Variants in PTPRT observed in about 807,000 individuals in gnomAD.
PTPRT encodes the protein protein tyrosine phosphatase receptor type T.
PTPRT carries 56 observed loss-of-function variants against 176.8 expected under a neutral mutation model. The observed-to-expected ratio is 0.32, with a 90% CI of 0.26 to 0.40. The LOEUF is 0.40. Ranked by LOEUF, PTPRT falls within the 10% of genes least tolerant of loss-of-function variation. The pLI, the probability that PTPRT is intolerant of heterozygous loss-of-function variation, is 1.00. For synonymous variants in PTPRT, 783 were observed against 739.0 expected, an observed-to-expected ratio of 1.06 and a Z score of -0.96; for missense variants, 1,540 against 1,908.2, an observed-to-expected ratio of 0.81 and a Z score of 3.60.
intron 9 of PTPRT, among the ~76,000 whole-genome samples, chr20:42,364,199 G>A (rs1442956262): frequency 1.3e-5 from 2 of 152,168 alleles, no homozygotes; most frequent in South Asian, 2.1e-4. Context: ...AGGTTGAGAG[G>A]CCCTTCTAAG....
intron 1 of PTPRT, among the ~76,000 whole-genome samples, chr20:42,943,295 A>G (rs1331065173): frequency 1.3e-5 from 2 of 152,142 alleles, no homozygotes; most frequent in East Asian, 1.9e-4. Context: ...AAGATCAGAG[A>G]TCATCAGCTC....
intron 9 of PTPRT, among the ~76,000 whole-genome samples, chr20:42,420,277 T>C (rs2059106285): frequency 1.3e-5 from 2 of 152,132 alleles, no homozygotes; most frequent in Admixed American, 1.3e-4. Flanking sequence ...AATACGACTG[T>C]CCAATGCCTA....
At chr20:42,610,543 A>C (rs1332783365) in intron 7 of PTPRT, among the ~76,000 whole-genome samples, 1 of 152,038 alleles carries the variant, frequency 6.6e-6, no homozygotes, top group Non-Finnish European at 1.5e-5. Flanking sequence ...TTTGAACTTG[A>C]AAACCTGAGA....
chr20:42,542,227 G>A (rs751356876), intron 7 of PTPRT, among the ~76,000 whole-genome samples: 1 of 152,082 alleles, frequency 6.6e-6, no homozygotes, highest in Non-Finnish European at 1.5e-5. Flanking sequence ...TTTATTAGCA[G>A]CATAAGAACA....
intron 2 of PTPRT, among the ~76,000 whole-genome samples, chr20:42,874,030 G>A (rs1030538198): frequency 6.6e-6 from 1 of 152,158 alleles, no homozygotes; most frequent in African/African-American, 2.4e-5. Flanking sequence ...ATTTAAAAAT[G>A]AAAGGTTCAC....
chr20:42,874,095 C>T (rs1223143168), intron 2 of PTPRT, among the ~76,000 whole-genome samples: 2 of 152,156 alleles, frequency 1.3e-5, no homozygotes. Flanking sequence ...TCCACGAAGA[C>T]ATCGCCTAGC....
intron 6 of PTPRT, among the ~76,000 whole-genome samples, chr20:42,710,954 G>A (rs1206642682): frequency 6.6e-6 from 1 of 152,260 alleles, no homozygotes; most frequent in Admixed American, 6.5e-5. Flanking sequence ...TTGTTTTAGA[G>A]CTTTAAGATT....
intron 12 of PTPRT, among the ~76,000 whole-genome samples, chr20:42,289,578 C>T (rs1343698785): frequency 2.0e-5 from 3 of 151,946 alleles, no homozygotes; most frequent in Non-Finnish European, 2.9e-5. Context: ...AAACAAGATA[C>T]TGTCTCATAC....
At chr20:43,180,598 G>A (rs1463752346) in intron 1 of PTPRT, among the ~76,000 whole-genome samples, 1 of 151,808 alleles carries the variant, frequency 6.6e-6, no homozygotes, top group Non-Finnish European at 1.5e-5. Flanking sequence ...CAAGTAGCTG[G>A]GACTACAGGC....
chr20:42,616,351 T>C (rs1196108782), intron 7 of PTPRT, among the ~76,000 whole-genome samples: 25 of 121,392 alleles, frequency 2.1e-4, no homozygotes, highest in Middle Eastern at 3.9e-3. Context: ...CCTTGTAGTA[T>C]AGTTTGAAGT....
chr20:42,603,361 G>T (rs1432042826), intron 7 of PTPRT, among the ~76,000 whole-genome samples: 1 of 152,156 alleles, frequency 6.6e-6, no homozygotes, highest in Non-Finnish European at 1.5e-5. Flanking sequence ...GGGGGCTAGG[G>T]GTGGGGTGGA....
chr20:42,662,336 T>C (rs2425508), intron 7 of PTPRT, among the ~76,000 whole-genome samples: 3,715 of 152,240 alleles, frequency 0.024, 176 homozygotes, highest in African/African-American at 0.086. Flanking sequence ...CTAAGCATTG[T>C]ACTTAGAGTT....
At chr20:43,026,135 T>C (rs890511392) in intron 1 of PTPRT, among the ~76,000 whole-genome samples, 1 of 152,192 alleles carries the variant, frequency 6.6e-6, no homozygotes, top group African/African-American at 2.4e-5. Context: ...GTTTTTTCTC[T>C]GAGACGGAGT....
At chr20:42,307,757 G>A (rs1048104319) in intron 12 of PTPRT, among the ~76,000 whole-genome samples, 1 of 152,142 alleles carries the variant, frequency 6.6e-6, no homozygotes, top group African/African-American at 2.4e-5. Context: ...AATAGGGGCT[G>A]GGTAAAATAA....
At chr20:42,402,454 C>T (rs1187518595) in intron 9 of PTPRT, among the ~76,000 whole-genome samples, 2 of 144,816 alleles carry the variant, frequency 1.4e-5, no homozygotes, top group African/African-American at 5.2e-5. Context: ...CAGAAAGATG[C>T]CCTGTTTGCT....
chr20:42,877,211 C>T (rs928720567), intron 2 of PTPRT, among the ~76,000 whole-genome samples: 4 of 152,098 alleles, frequency 2.6e-5, no homozygotes, highest in African/African-American at 9.7e-5. Flanking sequence ...CTTTGTAGCA[C>T]AAACACCATG....
chr20:42,503,668 T>C (rs1218850018), intron 7 of PTPRT, among the ~76,000 whole-genome samples: 3 of 152,124 alleles, frequency 2.0e-5, no homozygotes, highest in African/African-American at 7.2e-5. Context: ...ATTTTATACT[T>C]GTCAACTGGA....
intron 13 of PTPRT, among the ~76,000 whole-genome samples, chr20:42,273,122 T>C (rs1159275186): frequency 6.6e-6 from 1 of 152,200 alleles, no homozygotes; most frequent in Admixed American, 6.5e-5. Flanking sequence ...TACTATTTGC[T>C]GAGTGTTTCT....
At chr20:42,367,689 A>AATC (rs2058533792) in intron 9 of PTPRT, among the ~76,000 whole-genome samples, 1 of 152,096 alleles carries the variant, frequency 6.6e-6, no homozygotes, top group Admixed American at 6.5e-5. Flanking sequence ...CCTCACTGAG[A>AATC]AAGTGAGATT....
Sources: allele counts gnomAD v4.1 joint callset (sites outside exome capture counted in the v4.1 genomes callset), GRCh38; gene constraint gnomAD v4.1.1; transcripts MANE v1.5; gene names NCBI Gene and HGNC (gene_info 2026-07-23, HGNC 2026-07-21).